The following GALNT2 variants were observed in gnomAD, a reference collection of about 807,000 sequenced individuals.
GALNT2 encodes the protein UDP-GalNAc:polypeptide N-acetylgalactosaminyltransferase 2.
GALNT2 carries 31 observed loss-of-function variants against 81.4 expected under a neutral mutation model. That is an observed-to-expected ratio of 0.38 (90% CI 0.29 to 0.51). The LOEUF (loss-of-function observed/expected upper bound fraction) is 0.51. Ranked by LOEUF, GALNT2 falls within the 20% of genes least tolerant of loss-of-function variation. The pLI is 0.87. For missense variants in GALNT2, 629 were observed against 765.7 expected, an observed-to-expected ratio of 0.82 and a Z score of 2.11; for synonymous variants, 303 against 287.4, an observed-to-expected ratio of 1.05 and a Z score of -0.55.
At chr1:230,221,190 A>G (rs2102722465) in intron 3 of GALNT2, among the ~76,000 whole-genome samples, 1 of 152,290 alleles carries the variant, frequency 6.6e-6, no homozygotes, top group Admixed American at 6.5e-5. Flanking sequence ...TTCATTCAGT[A>G]ATACATAGGA....
chr1:230,209,418 A>T (rs929238329), intron 3 of GALNT2, among the ~76,000 whole-genome samples: 1 of 152,052 alleles, frequency 6.6e-6, no homozygotes, highest in Admixed American at 6.6e-5. Context: ...GGAAAGAGAG[A>T]TTTTTTTCCC....
chr1:230,143,987 A>T (rs1661831885), intron 1 of GALNT2, among the ~76,000 whole-genome samples: 1 of 152,280 alleles, frequency 6.6e-6, no homozygotes, highest in Non-Finnish European at 1.5e-5. Flanking sequence ...TGGAGGTGAC[A>T]CATCTTAGGA....
rs200615574 is a variant in GALNT2 at position 230,246,122 on chromosome 1, T to C, written c.789T>C (p.Tyr263=). The change falls in exon 8 of 16, where the codon TAT becomes TAC. Residue 263 remains tyrosine, a synonymous_variant. Coordinates refer to ENST00000366672, the MANE Select transcript of GALNT2 (RefSeq NM_004481.5). The part of the protein sequence containing the change: ...IDVINMDNFQ[Y]VGASADLKGG... ...TCATTAATATGGACAACTTTCAGTA[T>C]GTGGGGGCATCTGCTGACTTGAAGG... The C allele has an allele frequency of 6.2e-7, 1 of 1,614,156 alleles. No individual in the cohort carries two copies. The highest frequency in any genetic ancestry group is 8.5e-7 in the Non-Finnish European group (1 of 1,179,996).
At chr1:230,267,284 A>G (rs1384757575) in intron 14 of GALNT2, among the ~76,000 whole-genome samples, 1 of 152,252 alleles carries the variant, frequency 6.6e-6, no homozygotes, top group African/African-American at 2.4e-5. Context: ...TTAGAAGGCA[A>G]ACAAAGCAAT....
intron 1 of GALNT2, among the ~76,000 whole-genome samples, chr1:230,100,960 T>C (rs1660385325): frequency 1.3e-5 from 2 of 152,236 alleles, no homozygotes; most frequent in South Asian, 4.1e-4. Context: ...TAATCTTGTA[T>C]TTTTACTGTA....
At position 230,243,245 on chromosome 1, in the gene GALNT2, TG is replaced by T; in HGVS notation, c.608-57del. ...GGCAGGGAGGCGTCGCCGGTTGGCA[TG>T]GGGTTGTGCTGGCCCTGTGGCTTCT... On this transcript the variant is annotated intron_variant, in intron 6 of 15. Coordinates refer to ENST00000366672, the MANE Select transcript of GALNT2 (RefSeq NM_004481.5). This position sits in a 1 kb window ranked among gnomAD's most constrained non-coding sequence, Gnocchi z 4.2. 1.3e-6 allele frequency: 2 copies of T among 1,518,792 alleles called. No individual in the cohort carries two copies. Among genetic ancestry groups the T allele is most frequent in the Non-Finnish European group, 1.8e-6 (2 of 1,136,320 alleles). The allele number at this position is 1,518,792 out of a possible 1,614,324, so 94.1% of individuals were successfully genotyped here.
At chr1:230,188,445 C>T (rs1179300289) in intron 2 of GALNT2, among the ~76,000 whole-genome samples, 2 of 152,230 alleles carry the variant, frequency 1.3e-5, no homozygotes, top group Admixed American at 1.3e-4. Context: ...CTAGGCTCAG[C>T]TGTGCCACCA....
chr1:230,253,040 G>T (rs1033860840), intron 10 of GALNT2, among the ~76,000 whole-genome samples: 5 of 151,774 alleles, frequency 3.3e-5, no homozygotes, highest in Non-Finnish European at 7.4e-5. Context: ...TAGAGACAGG[G>T]TTTCTCCATG....
At chr1:230,131,115 A>C (rs1661353305) in intron 1 of GALNT2, among the ~76,000 whole-genome samples, 1 of 152,184 alleles carries the variant, frequency 6.6e-6, no homozygotes, top group East Asian at 1.9e-4. Flanking sequence ...AGCTAGGCAC[A>C]AAACGTTTGT....
At position 230,215,190 on chromosome 1, in the gene GALNT2, A is replaced by G. The variant is rs572686778; in HGVS notation, c.374+11900A>G. Among the ~76,000 whole-genome samples the G allele has an allele frequency of 4.3e-4, 65 of 152,318 alleles. 2 individuals carry two copies. The highest frequency in any genetic ancestry group is 2.0e-4 in the Admixed American group (3 of 15,308). On this transcript the variant is annotated intron_variant, in intron 3 of 15. Coordinates refer to ENST00000366672, the MANE Select transcript of GALNT2 (RefSeq NM_004481.5). Reference sequence around the variant, plus strand: ...TTCGACCTGGAAGTCTGGGATATGTATCAGAGCCCAGTTTCCTCAGCAAGC... The same window carrying G: ...TTCGACCTGGAAGTCTGGGATATGTGTCAGAGCCCAGTTTCCTCAGCAAGC...
intron 1 of GALNT2, among the ~76,000 whole-genome samples, chr1:230,080,314 TG>T: frequency 6.6e-6 from 1 of 152,312 alleles, no homozygotes; most frequent in South Asian, 2.1e-4. Context: ...GAGGCCTCGG[TG>T]GAGGACTGAT....
chr1:230,249,073 T>G, intron 8 of GALNT2, 111 bp from the exon 9 acceptor site: 1 of 1,107,898 alleles, frequency 9.0e-7, no homozygotes. Flanking sequence ...TGTTTTGGTT[T>G]TCATTGAGTT....
intron 2 of GALNT2, among the ~76,000 whole-genome samples, chr1:230,191,738 C>G (rs1185140633): frequency 6.6e-6 from 1 of 152,264 alleles, no homozygotes; most frequent in Admixed American, 6.5e-5. Context: ...ATCTCAAACT[C>G]CTGAGCCCAA....
Position 230,067,381 on chromosome 1 carries a change from G to A in GALNT2, c.101G>A (p.Gly34Asp). ...YSGGGSALAG[G>D]AGGGAGRKED... ...GGGGGCGGCTCTGCGCTGGCCGGGG[G>A]CGCGGGCGGCGGCGCCGGCAGGAAG... Residue 34 changes from glycine to aspartate, a missense_variant, in exon 1 of 16, where the codon GGC becomes GAC. Transcript: ENST00000366672. 2 of 1,285,092 alleles carry A rather than the reference G, an allele frequency of 1.6e-6. No individual in the cohort carries two copies. Among genetic ancestry groups the A allele is most frequent in the Non-Finnish European group, 2.0e-6 (2 of 1,009,992 alleles). The allele number at this position is 1,285,092 out of a possible 1,614,324, so 79.6% of individuals were successfully genotyped here.
chr1:230,084,811 G>A (rs972170598), intron 1 of GALNT2, among the ~76,000 whole-genome samples: 6 of 152,196 alleles, frequency 3.9e-5, no homozygotes, highest in African/African-American at 1.4e-4. Context: ...AACATGCTGT[G>A]GTTTGGCAGC....
chr1:230,083,390 A>C (rs1353632156), intron 1 of GALNT2, among the ~76,000 whole-genome samples: 1 of 144,526 alleles, frequency 6.9e-6, no homozygotes, highest in Admixed American at 6.9e-5. Context: ...AGGGAGTGGG[A>C]TGATGGAGCA....
intron 1 of GALNT2, among the ~76,000 whole-genome samples, chr1:230,084,448 G>C (rs1033098587): frequency 6.6e-6 from 1 of 152,146 alleles, no homozygotes; most frequent in African/African-American, 2.4e-5. Context: ...AACCAAAGGA[G>C]GAGGGCAAGC....
intron 3 of GALNT2, among the ~76,000 whole-genome samples, chr1:230,225,682 G>GTTTTGTTTTTTTTT (rs1558148786): frequency 1.2e-4 from 16 of 137,612 alleles, no homozygotes; most frequent in African/African-American, 4.6e-4. Context: ...GAGTTTTTTT[G>GTTTTGTTTTTTTTT]TTTTTTTTTT....
At chr1:230,206,796 T>C (rs931942292) in intron 3 of GALNT2, among the ~76,000 whole-genome samples, 1 of 152,188 alleles carries the variant, frequency 6.6e-6, no homozygotes, top group Admixed American at 6.5e-5. Context: ...GTTGAAAATC[T>C]CAGACCCTCC....
Sources: allele counts gnomAD v4.1 joint callset (sites outside exome capture counted in the v4.1 genomes callset), GRCh38; gene constraint gnomAD v4.1.1; non-coding constraint Gnocchi (gnomAD v3.1); transcripts MANE v1.5; gene names NCBI Gene and HGNC (gene_info 2026-07-23, HGNC 2026-07-21).